The following RBPMS variants were observed in gnomAD, a reference collection of about 807,000 sequenced individuals.
The protein encoded by RBPMS is RNA binding protein, mRNA processing factor, also known as RNA-binding protein with multiple splicing.
In RBPMS, 7 loss-of-function variants were observed where a neutral mutation model predicts 26.8. The observed-to-expected ratio is 0.26, with a 90% CI of 0.15 to 0.49. The LOEUF is 0.49. Among genes scored for constraint, RBPMS ranks in the 20% least tolerant of loss-of-function variants. The probability of loss-of-function intolerance (pLI) is 0.98; values close to 1 mark genes in which losing one functional copy is unlikely to be tolerated. For missense variants in RBPMS, 186 were observed against 250.0 expected (o/e 0.74, Z 1.73); for synonymous variants, 96 against 93.3 (o/e 1.03, Z -0.17).
At chr8:30,558,507 A>C (rs892699601) in intron 6 of RBPMS, 1 of 340,774 alleles carries the variant, frequency 2.9e-6, no homozygotes, top group Non-Finnish European at 5.6e-6. Flanking sequence ...ATGTTTCCAC[A>C]CTCTGCTTAG....
intron 4 of RBPMS, among the ~76,000 whole-genome samples, chr8:30,500,596 G>GT (rs1820460710): frequency 6.6e-6 from 1 of 152,156 alleles, no homozygotes; most frequent in Admixed American, 6.5e-5. Context: ...AGGGTGCTCT[G>GT]AAGACCTCAG....
At chr8:30,517,276 A>G (rs2150973589) in intron 5 of RBPMS, among the ~76,000 whole-genome samples, 1 of 150,792 alleles carries the variant, frequency 6.6e-6, no homozygotes, top group South Asian at 2.1e-4. Flanking sequence ...ATTTTGGAAA[A>G]CATTGGCAGA....
Position 30,385,111 on chromosome 8 carries a change from G to T in RBPMS, c.19G>T (p.Ala7Ser). Residue 7 changes from alanine to serine, a missense_variant, in exon 1 of 9, where the codon GCC becomes TCC. Ala to Ser is a moderately conservative substitution (Grantham distance 99). Around this residue, in one of 3 missense-constraint regions of RBPMS, gnomAD observed 38 missense variants for 27.8 expected, o/e 1.37. Transcript: ENST00000397323. The stretch of plus-strand genomic sequence containing the variant: ...CGGGAAGATGAACAACGGCGGCAAA[G>T]CCGAGAAGGAGAACACCCCGAGCGA... The part of the protein sequence containing the change: MNNGGK[A>S]EKENTPSEAN... 6.5e-7 allele frequency: 1 copy of T among 1,526,970 alleles called. No individual in the cohort carries two copies. Among genetic ancestry groups the T allele is most frequent in the Non-Finnish European group, 8.8e-7 (1 of 1,138,670 alleles). The allele number at this position is 1,526,970 out of a possible 1,614,324, so 94.6% of individuals were successfully genotyped here.
At chr8:30,477,243 T>C (rs372448898) in intron 2 of RBPMS, among the ~76,000 whole-genome samples, 34 of 152,280 alleles carry the variant, frequency 2.2e-4, no homozygotes, top group East Asian at 5.8e-4. Context: ...TTAGTAGAGA[T>C]GGGGTTTCAC....
intron 5 of RBPMS, among the ~76,000 whole-genome samples, chr8:30,504,664 C>A (rs1421221423): frequency 2.0e-5 from 3 of 152,152 alleles, no homozygotes; most frequent in Non-Finnish European, 4.4e-5. Context: ...TTCAGAATAT[C>A]ATTTGATGTA....
chr8:30,518,671 G>A (rs28613528), intron 5 of RBPMS, among the ~76,000 whole-genome samples: 2,246 of 98,194 alleles, frequency 0.023, 72 homozygotes, highest in African/African-American at 0.082. Context: ...CCAGTGATCC[G>A]CCCGGCCAAG....
intron 6 of RBPMS, chr8:30,555,979 G>A (rs1426182787): frequency 1.0e-6 from 1 of 984,638 alleles, no homozygotes; most frequent in African/African-American, 1.7e-5. Context: ...CTGTGGTGCG[G>A]GAACCTGGAT....
rs570197795 is a variant in RBPMS, at chr8:30,425,678, G to A, written c.66+40520G>A. ...GCCTCCCAGAGTGCTAGGATTATGG[G>A]CATGAGCCACCGAGCCCGGCCCGGT... On this transcript the variant is annotated intron_variant, in intron 1 of 8. Coordinates refer to ENST00000397323, the MANE Select transcript of RBPMS (RefSeq NM_001008710.3). 1.4e-4 allele frequency among the ~76,000 whole-genome samples: 21 copies of A among 152,220 alleles called. No homozygotes were observed. In the East Asian group the frequency reaches 3.7e-3, roughly 27 times the overall value.
intron 5 of RBPMS, among the ~76,000 whole-genome samples, chr8:30,526,000 TATGGTAACAG>T (rs1421009313): frequency 6.6e-6 from 1 of 152,250 alleles, no homozygotes; most frequent in African/African-American, 2.4e-5. Context: ...TAGTAGCAGT[TATGGTAACAG>T]ATGTCCTTTT....
intron 1 of RBPMS, chr8:30,446,838 T>TGTGTGC (rs869232199): frequency 1.1e-5 from 1 of 92,944 alleles, no homozygotes; most frequent in South Asian, 3.1e-4. Flanking sequence ...TGTGTGTGTG[T>TGTGTGC]GTGTGCGCGC....
At chr8:30,392,417 A>T (rs1807891043) in intron 1 of RBPMS, among the ~76,000 whole-genome samples, 1 of 152,112 alleles carries the variant, frequency 6.6e-6, no homozygotes, top group Non-Finnish European at 1.5e-5. Flanking sequence ...AAGGGGAAGG[A>T]AGAATGAAAC....
intron 5 of RBPMS, among the ~76,000 whole-genome samples, chr8:30,530,239 C>T (rs2151009444): frequency 6.6e-6 from 1 of 152,262 alleles, no homozygotes; most frequent in Middle Eastern, 3.4e-3. Flanking sequence ...GATGAGATCT[C>T]CTGATTTCAA....
intron 4 of RBPMS, among the ~76,000 whole-genome samples, chr8:30,498,832 T>C (rs984109591): frequency 5.9e-5 from 9 of 152,128 alleles, no homozygotes; most frequent in African/African-American, 1.9e-4. Context: ...GAATTGGAGC[T>C]ATCAGTATGA....
intron 1 of RBPMS, among the ~76,000 whole-genome samples, chr8:30,419,319 G>T (rs1202281365): frequency 2.0e-5 from 3 of 152,058 alleles, no homozygotes; most frequent in African/African-American, 7.2e-5. Context: ...GGTGGTGCAC[G>T]TCTGTAGTTT....
rs143264089 is a variant in RBPMS at position 30,533,205 on chromosome 8, C to A, written c.398-11289C>A. ...TTGTGGCCTCATGGCTTAACACTCT[C>A]AGAAAACATTTTTTATTCACTGCGA... On this transcript the variant is annotated intron_variant, in intron 5 of 8. Transcript: ENST00000397323. Among the ~76,000 whole-genome samples the A allele has an allele frequency of 4.7e-3, 715 of 152,268 alleles. 6 individuals carry two copies. The highest frequency in any genetic ancestry group is 0.016 in the African/African-American group (678 of 41,540).
At chr8:30,556,748 T>C (rs754713726) in intron 6 of RBPMS, 1 of 985,966 alleles carries the variant, frequency 1.0e-6, no homozygotes, top group East Asian at 1.1e-4. Flanking sequence ...CTCTGCTCTT[T>C]GCTTAGTGAG....
At chr8:30,388,558 T>C (rs1807396836) in intron 1 of RBPMS, among the ~76,000 whole-genome samples, 2 of 101,776 alleles carry the variant, frequency 2.0e-5, no homozygotes, top group African/African-American at 7.7e-5. Context: ...AGCTAACTTA[T>C]AACTTATAGC....
chr8:30,504,488 T>C lies in RBPMS; in HGVS notation c.397+52T>C, dbSNP rs780473371. On this transcript the variant is annotated intron_variant, in intron 5 of 8. Coordinates refer to ENST00000397323, the MANE Select transcript of RBPMS (RefSeq NM_001008710.3). ...AGTAATAATAACTAAGAACTGTTCATGTGCTGCATGTGAGGTTACACCATG... is the reference window on the plus strand; with the variant it reads ...AGTAATAATAACTAAGAACTGTTCACGTGCTGCATGTGAGGTTACACCATG... 3.9e-6 allele frequency: 6 copies of C among 1,557,248 alleles called. No individual in the cohort carries two copies. In the African/African-American group the frequency reaches 5.4e-5, roughly 14 times the overall value.
At chr8:30,391,787 G>A (rs1476297257) in intron 1 of RBPMS, among the ~76,000 whole-genome samples, 1 of 152,168 alleles carries the variant, frequency 6.6e-6, no homozygotes, top group Non-Finnish European at 1.5e-5. Context: ...GGATATGTCT[G>A]TGGTATCAGA....
Sources: gnomAD v4.1 joint callset for allele counts (sites outside exome capture counted in the v4.1 genomes callset) on GRCh38, gnomAD v4.1.1 for gene constraint, gnomAD v4.1.1 regional missense constraint, MANE v1.5 for transcripts, NCBI Gene and HGNC (gene_info 2026-07-23, HGNC 2026-07-21) for gene names.